Variants in LAMC1 observed in about 807,000 individuals in gnomAD.
The protein encoded by LAMC1 is laminin subunit gamma-1.
A neutral mutation model predicts 173.6 loss-of-function variants in LAMC1; 38 were observed. The ratio of observed to expected loss-of-function variants is 0.22; its 90% CI spans 0.17 to 0.29. The LOEUF (loss-of-function observed/expected upper bound fraction) is 0.29. LAMC1 is among the 10% of genes least tolerant of loss of function. The pLI, the probability that LAMC1 is intolerant of heterozygous loss-of-function variation, is 1.00. For missense variants in LAMC1, 1,824 were observed against 2,051.8 expected, an observed-to-expected ratio of 0.89 and a Z score of 2.14; for synonymous variants, 746 against 749.1, an observed-to-expected ratio of 1.00 and a Z score of 0.07.
At chr1:183,050,312 C>T in intron 1 of LAMC1, among the ~76,000 whole-genome samples, 1 of 127,224 alleles carries the variant, frequency 7.9e-6, no homozygotes, top group Non-Finnish European at 1.6e-5. Flanking sequence ...GAGACAGAGT[C>T]TCACTCTCGC....
chr1:183,106,589 C>T (rs990838042), intron 2 of LAMC1, among the ~76,000 whole-genome samples: 1 of 152,172 alleles, frequency 6.6e-6, no homozygotes, highest in Admixed American at 6.5e-5. Context: ...TTGCTTGTTA[C>T]GTCTCCAAAG....
chr1:183,136,011 A>T (rs1257917536), intron 24 of LAMC1, among the ~76,000 whole-genome samples: 1 of 152,104 alleles, frequency 6.6e-6, no homozygotes, highest in East Asian at 1.9e-4. Flanking sequence ...CAATTTTCTT[A>T]TAAAAATGAT....
intron 11 of LAMC1, among the ~76,000 whole-genome samples, chr1:183,118,580 A>C (rs1485573546): frequency 6.6e-6 from 1 of 152,036 alleles, no homozygotes; most frequent in East Asian, 1.9e-4. Context: ...AAAATTAGCC[A>C]GGTGGGGTGG....
intron 1 of LAMC1, among the ~76,000 whole-genome samples, chr1:183,088,966 T>C (rs546355288): frequency 6.6e-6 from 1 of 152,248 alleles, no homozygotes; most frequent in Non-Finnish European, 1.5e-5. Flanking sequence ...ATAACATGCC[T>C]GAGGAGTGTG....
chr1:183,121,283 G>A (rs748081683), intron 11 of LAMC1, among the ~76,000 whole-genome samples: 21 of 151,912 alleles, frequency 1.4e-4, no homozygotes, highest in Admixed American at 5.2e-4. Context: ...AAAATTAGCC[G>A]GGCATGGTGG....
At chr1:183,125,931 G>C (rs1656605722) in intron 15 of LAMC1, among the ~76,000 whole-genome samples, 189 bp from the exon 16 acceptor site, 1 of 152,084 alleles carries the variant, frequency 6.6e-6, no homozygotes, top group African/African-American at 2.4e-5. Flanking sequence ...AAGAGGTTCT[G>C]AATAGCACTC....
intron 1 of LAMC1, among the ~76,000 whole-genome samples, chr1:183,097,972 G>A (rs1655737487): frequency 6.6e-6 from 1 of 151,898 alleles, no homozygotes. Flanking sequence ...GTGAGGAGTG[G>A]AAGATGTTCT....
Position 183,127,764 on chromosome 1 carries a change from GGA to G in LAMC1, c.3123+364_3123+365del, listed in dbSNP as rs371599626. ...CCTGGTATACAGAGGCCTGAAAGCTGGAGAGTGGCTGGAGCCTGCTGAGTGCA... is the reference window on the plus strand; with the variant it reads ...CCTGGTATACAGAGGCCTGAAAGCTGGAGTGGCTGGAGCCTGCTGAGTGCA... On this transcript the variant is annotated intron_variant, in intron 17 of 27. Transcript: ENST00000258341. 3.4e-4 allele frequency among the ~76,000 whole-genome samples: 52 copies of G among 152,282 alleles called. 1 individual carries two copies. The highest frequency in any genetic ancestry group is 1.3e-3 in the African/African-American group (52 of 41,558).
chr1:183,108,267 T>C lies in LAMC1; in HGVS notation c.724-9T>C. 6.2e-7 allele frequency: 1 copy of C among 1,612,068 alleles called. No individual in the cohort carries two copies. The highest frequency in any genetic ancestry group is 8.5e-7 in the Non-Finnish European group (1 of 1,178,700). On this transcript the variant is annotated splice_polypyrimidine_tract_variant and intron_variant, in intron 2 of 27. Transcript: ENST00000258341. The stretch of plus-strand genomic sequence containing the variant: ...TCTCTTTTATGTTTCTATTTTTGCT[T>C]CCTGACAGGAATGGGTAACTGCCAC...
Position 183,033,388 on chromosome 1 carries a change from G to A in LAMC1, c.418+9254G>A, listed in dbSNP as rs140345693. On this transcript the variant is annotated intron_variant, in intron 1 of 27. Coordinates refer to ENST00000258341, the MANE Select transcript of LAMC1 (RefSeq NM_002293.4). The stretch of plus-strand genomic sequence containing the variant: ...TCTGTTCTCACCTCACTTTAAGCAG[G>A]TAGTGGTTTTGGTTGATGCTTCATC... Among the ~76,000 whole-genome samples the A allele has an allele frequency of 5.1e-4, 78 of 152,336 alleles. No homozygotes were observed. The East Asian group carries it at 0.014, about 28-fold the overall frequency.
chr1:183,127,335 C>G lies in LAMC1; in HGVS notation c.3054C>G (p.Asn1018Lys). Residue 1018 changes from asparagine (N) to lysine (K), a missense_variant, in exon 17 of 28, where the codon AAC (asparagine) becomes AAG (lysine). Asn to Lys is a moderately conservative substitution (Grantham distance 94). Coordinates refer to ENST00000258341, the MANE Select transcript of LAMC1 (RefSeq NM_002293.4). ...ATCGCTGTGACCAGTGTGAAGAAAA[C>G]TATTTCTACAATCGGTCTTGGCCTG... ...VGNRCDQCEE[N>K]YFYNRSWPGC... 1 of 1,614,112 alleles carries G rather than the reference C, an allele frequency of 6.2e-7. No homozygotes were observed. The highest frequency in any genetic ancestry group is 8.5e-7 in the Non-Finnish European group (1 of 1,179,982).
chr1:183,069,223 T>C (rs1654949289), intron 1 of LAMC1, among the ~76,000 whole-genome samples: 1 of 152,240 alleles, frequency 6.6e-6, no homozygotes, highest in South Asian at 2.1e-4. Flanking sequence ...ACTTGTTTCT[T>C]GCCATATTTT....
chr1:183,046,902 A>C (rs971919062), intron 1 of LAMC1, among the ~76,000 whole-genome samples: 2 of 152,004 alleles, frequency 1.3e-5, no homozygotes, highest in African/African-American at 4.8e-5. Context: ...TTTAAAGTTT[A>C]TCTCTTTTAT....
intron 1 of LAMC1, among the ~76,000 whole-genome samples, chr1:183,038,496 A>C (rs957404729): frequency 9.9e-5 from 15 of 152,190 alleles, no homozygotes; most frequent in African/African-American, 3.6e-4. Flanking sequence ...GGTAAACTAT[A>C]AATGCATAAA....
chr1:183,100,871 C>T (rs150040941), intron 1 of LAMC1, among the ~76,000 whole-genome samples: 1 of 152,170 alleles, frequency 6.6e-6, no homozygotes, highest in Admixed American at 6.5e-5. Context: ...AGAAAGGTAG[C>T]CCTGCAAATG....
Position 183,055,673 on chromosome 1 carries a change from A to G in LAMC1, c.418+31539A>G, listed in dbSNP as rs193281934. 1.0e-3 allele frequency among the ~76,000 whole-genome samples: 155 copies of G among 152,162 alleles called. 1 individual carries two copies. The highest frequency in any genetic ancestry group is 3.5e-3 in the African/African-American group (146 of 41,540). On this transcript the variant is annotated intron_variant, in intron 1 of 27. Coordinates refer to ENST00000258341, the MANE Select transcript of LAMC1 (RefSeq NM_002293.4). The stretch of plus-strand genomic sequence containing the variant: ...CTAAAAATACAAAAATGAGATGGGC[A>G]TGGTGTCGTGCACCTGTAGTTGCAG...
chr1:183,112,901 G>A, intron 4 of LAMC1, among the ~76,000 whole-genome samples: 1 of 152,298 alleles, frequency 6.6e-6, no homozygotes, highest in East Asian at 1.9e-4. Flanking sequence ...AAGAACAAAA[G>A]GGGCTGAGTA....
intron 2 of LAMC1, 116 bp from the exon 3 acceptor site, chr1:183,108,160 T>C (rs1223083545): frequency 1.3e-6 from 1 of 770,938 alleles, no homozygotes; most frequent in African/African-American, 1.9e-5. Context: ...GATTTAGTGC[T>C]AAAGAGGGCG....
At chr1:183,100,306 T>C (rs562077963) in intron 1 of LAMC1, among the ~76,000 whole-genome samples, 1 of 152,186 alleles carries the variant, frequency 6.6e-6, no homozygotes, top group Admixed American at 6.5e-5. Flanking sequence ...CACTGATCTT[T>C]CTAAAAAATC....
Sources: gnomAD v4.1 joint callset for allele counts (sites outside exome capture counted in the v4.1 genomes callset) on GRCh38, gnomAD v4.1.1 for gene constraint, MANE v1.5 for transcripts, NCBI Gene and HGNC (gene_info 2026-07-23, HGNC 2026-07-21) for gene names.